Variants in KCNMA1 observed in about 807,000 individuals in gnomAD.
KCNMA1 encodes the protein potassium calcium-activated channel subfamily M alpha 1.
KCNMA1 carries 29 observed loss-of-function variants against 140.0 expected under a neutral mutation model. The ratio of observed to expected loss-of-function variants is 0.21; its 90% CI spans 0.15 to 0.28. KCNMA1 has a LOEUF of 0.28. Ranked by LOEUF, KCNMA1 falls within the 10% of genes least tolerant of loss-of-function variation. KCNMA1 has a pLI of 1.00. For missense variants in KCNMA1, 880 were observed against 1,602.2 expected (o/e 0.55, Z 7.70); for synonymous variants, 612 against 611.9 (o/e 1.00, Z 0.00).
At chr10:77,590,345 G>A (rs1376933822) in intron 1 of KCNMA1, among the ~76,000 whole-genome samples, 1 of 152,194 alleles carries the variant, frequency 6.6e-6, no homozygotes, top group Non-Finnish European at 1.5e-5. Flanking sequence ...GGCGCTCCTC[G>A]GGGAGGCTCG....
chr10:77,007,653 GTATATATATA>G (rs60937323), intron 18 of KCNMA1, among the ~76,000 whole-genome samples: 9,268 of 88,552 alleles, frequency 0.1, 618 homozygotes, highest in Middle Eastern at 0.22. Context: ...TTGTGTGTGT[GTATATATATA>G]TATATATATA....
At chr10:77,110,108 G>A in intron 8 of KCNMA1, 65 bp downstream of exon 8, 1 of 1,371,232 alleles carries the variant, frequency 7.3e-7, no homozygotes, top group Non-Finnish European at 1.0e-6. Context: ...AAGCTTTAAG[G>A]AAATGTATCA....
intron 19 of KCNMA1, among the ~76,000 whole-genome samples, chr10:76,981,194 C>T (rs1305582856): frequency 6.6e-6 from 1 of 152,134 alleles, no homozygotes; most frequent in Admixed American, 6.5e-5. Context: ...GCAATTGAGC[C>T]GCTAACCAAC....
chr10:77,158,820 G>A (rs1237404300), intron 5 of KCNMA1, among the ~76,000 whole-genome samples: 1 of 152,164 alleles, frequency 6.6e-6, no homozygotes, highest in East Asian at 1.9e-4. Context: ...CTCTTTGAGG[G>A]AGGGAGGAAG....
chr10:77,079,684 G>A (rs1295242530), intron 12 of KCNMA1, 134 bp from the exon 13 acceptor site: 6 of 713,680 alleles, frequency 8.4e-6, no homozygotes, highest in Admixed American at 2.0e-5. Flanking sequence ...CCAGAGGCAG[G>A]GCTCAGATAC....
At position 77,337,645 on chromosome 10, in the gene KCNMA1, C is replaced by G. The variant is rs115318329; in HGVS notation, c.540+66217G>C. Among the ~76,000 whole-genome samples, 627 of 152,248 alleles carry G rather than the reference C, an allele frequency of 4.1e-3. 7 individuals carry two copies. Among genetic ancestry groups the G allele is most frequent in the African/African-American group, 0.015 (606 of 41,542 alleles). ...AAAAAAAGAAAAGAAACAGAAAAAT[C>G]ATTTCAACTGGATATTGAAAAATCA... On this transcript the variant is annotated intron_variant, in intron 2 of 27. Transcript: ENST00000286628.
chr10:76,884,730 G>C, downstream of KCNMA1: 1 of 472,914 alleles, frequency 2.1e-6, no homozygotes, highest in South Asian at 3.2e-5. Flanking sequence ...GCCTCATTGC[G>C]CTGAGCAATT....
intron 1 of KCNMA1, among the ~76,000 whole-genome samples, chr10:77,540,944 G>A (rs566140103): frequency 4.5e-4 from 68 of 151,552 alleles, no homozygotes; most frequent in Admixed American, 8.5e-4. Context: ...GGCAGAGATC[G>A]CAGTGAGCCA....
chr10:76,928,758 C>T (rs1431869902), intron 23 of KCNMA1, among the ~76,000 whole-genome samples: 3 of 152,186 alleles, frequency 2.0e-5, no homozygotes, highest in Non-Finnish European at 4.4e-5. Flanking sequence ...TTAAAGGAGC[C>T]GATCAACGCG....
intron 2 of KCNMA1, among the ~76,000 whole-genome samples, chr10:77,381,568 A>T (rs1393472685): frequency 6.6e-6 from 1 of 152,068 alleles, no homozygotes; most frequent in Non-Finnish European, 1.5e-5. Context: ...TCTCTACCCA[A>T]TAGATAGCAA....
chr10:76,887,030 T>C lies in KCNMA1; in HGVS notation c.*236A>G. 7.2e-7 allele frequency: 1 copy of C among 1,390,332 alleles called. No individual in the cohort carries two copies. Among genetic ancestry groups the C allele is most frequent in the Non-Finnish European group, 9.4e-7 (1 of 1,066,388 alleles). The allele number at this position is 1,390,332 out of a possible 1,614,324, so 86.1% of individuals were successfully genotyped here. ...CTGGAGCATGCCTTTGGGTTATTTT[T>C]CCCCCAGAATCATAAATAACTTTTG... On this transcript the variant is annotated 3_prime_UTR_variant, in exon 28 of 28. Transcript: ENST00000286628.
At chr10:77,240,967 G>A (rs1565437253) in intron 3 of KCNMA1, among the ~76,000 whole-genome samples, 1 of 152,218 alleles carries the variant, frequency 6.6e-6, no homozygotes. Flanking sequence ...AAACTCGGGA[G>A]AAAAGCAAGA....
chr10:76,941,100 AAGGG>A (rs1228072260), intron 23 of KCNMA1, among the ~76,000 whole-genome samples: 21 of 94,120 alleles, frequency 2.2e-4, no homozygotes, highest in South Asian at 1.6e-3. Context: ...AGAAAGAAAG[AAGGG>A]AGGGAGGGAG....
intron 5 of KCNMA1, among the ~76,000 whole-genome samples, chr10:77,153,393 A>G (rs1477142712): frequency 6.6e-6 from 1 of 151,904 alleles, no homozygotes; most frequent in Non-Finnish European, 1.5e-5. Flanking sequence ...GTTTTTTGAG[A>G]CAAGGTCTGG....
chr10:77,591,801 C>A (rs568119903), intron 1 of KCNMA1, among the ~76,000 whole-genome samples: 51 of 152,336 alleles, frequency 3.3e-4, no homozygotes, highest in Non-Finnish European at 5.7e-4. Flanking sequence ...GCAAGTACTT[C>A]CTCAGCAAAC....
intron 5 of KCNMA1, among the ~76,000 whole-genome samples, chr10:77,125,774 T>G (rs545002770): frequency 1.3e-5 from 2 of 152,348 alleles, no homozygotes; most frequent in African/African-American, 4.8e-5. Context: ...GAAGGCTCAA[T>G]AAATCCTTGT....
At chr10:77,361,680 TCTG>T (rs1452869328) in intron 2 of KCNMA1, among the ~76,000 whole-genome samples, 1 of 152,178 alleles carries the variant, frequency 6.6e-6, no homozygotes, top group Non-Finnish European at 1.5e-5. Context: ...GATCCATAGG[TCTG>T]CTGGTCCAGG....
intron 3 of KCNMA1, among the ~76,000 whole-genome samples, chr10:77,187,457 T>C (rs1035356505): frequency 6.6e-6 from 1 of 152,352 alleles, no homozygotes; most frequent in East Asian, 1.9e-4. Context: ...GTTGAAGCCA[T>C]ACAAGACCTT....
intron 23 of KCNMA1, among the ~76,000 whole-genome samples, chr10:76,929,225 G>T (rs1248692850): frequency 2.6e-5 from 4 of 152,162 alleles, no homozygotes; most frequent in African/African-American, 9.7e-5. Flanking sequence ...CCTGTTAAAA[G>T]TAGTTTTATA....
Sources: allele counts gnomAD v4.1 joint callset (sites outside exome capture counted in the v4.1 genomes callset), GRCh38; gene constraint gnomAD v4.1.1; transcripts MANE v1.5; gene names NCBI Gene and HGNC (gene_info 2026-07-23, HGNC 2026-07-21).